The following NAALADL2 variants were observed in gnomAD, a reference collection of about 807,000 sequenced individuals.
NAALADL2 encodes N-acetylated alpha-linked acidic dipeptidase like 2, also known as inactive N-acetylated-alpha-linked acidic dipeptidase-like protein 2.
A neutral mutation model predicts 87.2 loss-of-function variants in NAALADL2; 76 were observed. The ratio of observed to expected loss-of-function variants is 0.87; its 90% CI spans 0.72 to 1.05. NAALADL2 has a LOEUF of 1.05. Ranked by LOEUF, NAALADL2 falls within the 50% of genes least tolerant of loss-of-function variation. The pLI is 0.00. For missense variants in NAALADL2, 1,089 were observed against 945.8 expected (o/e 1.15, Z -1.99); for synonymous variants, 354 against 331.0 (o/e 1.07, Z -0.75).
At chr3:175,386,203 T>C (rs1417466046) in intron 5 of NAALADL2, among the ~76,000 whole-genome samples, 1 of 148,144 alleles carries the variant, frequency 6.8e-6, no homozygotes, top group Non-Finnish European at 1.5e-5. Flanking sequence ...GGTTTACACA[T>C]TGAATTTGGT....
intron 11 of NAALADL2, chr3:175,718,322 G>A: frequency 6.4e-7 from 1 of 1,573,266 alleles, no homozygotes; most frequent in Non-Finnish European, 8.7e-7. Context: ...CAACTTTGAT[G>A]CTATATGAAT....
At chr3:174,513,374 A>G (rs1939288550) in intron 1 of NAALADL2, 1 of 152,208 alleles carries the variant, frequency 6.6e-6, no homozygotes, top group Non-Finnish European at 1.5e-5. Flanking sequence ...TTTCACCAGT[A>G]CATACCAATT....
At chr3:174,863,474 T>A (rs1203533369) in intron 1 of NAALADL2, among the ~76,000 whole-genome samples, 1 of 152,032 alleles carries the variant, frequency 6.6e-6, no homozygotes, top group African/African-American at 2.4e-5. Flanking sequence ...TCATTACAGC[T>A]AGGAGAAGTT....
intron 1 of NAALADL2, among the ~76,000 whole-genome samples, chr3:174,946,642 AAAT>A: frequency 6.6e-6 from 1 of 152,158 alleles, no homozygotes; most frequent in African/African-American, 2.4e-5. Flanking sequence ...TGTTTTCACA[AAAT>A]AATAAAGAGT....
chr3:174,825,867 A>ACT (rs1158790183), intron 3 of NAALADL2, among the ~76,000 whole-genome samples: 1 of 152,044 alleles, frequency 6.6e-6, no homozygotes, highest in Non-Finnish European at 1.5e-5. Flanking sequence ...CTCTACTAAA[A>ACT]ACACAAAAAA....
chr3:175,008,213 AC>A (rs1003086611), intron 1 of NAALADL2, among the ~76,000 whole-genome samples: 3 of 152,048 alleles, frequency 2.0e-5, no homozygotes, highest in African/African-American at 7.2e-5. Context: ...ACACTTCTAT[AC>A]AAAAAAAATT....
chr3:174,671,666 C>T (rs1726549580), intron 2 of NAALADL2, among the ~76,000 whole-genome samples: 1 of 152,032 alleles, frequency 6.6e-6, no homozygotes, highest in Admixed American at 6.6e-5. Flanking sequence ...GATTTCATAT[C>T]CCTTTACCCC....
At chr3:175,731,832 CCCT>C (rs1201608368) in intron 11 of NAALADL2, among the ~76,000 whole-genome samples, 1 of 152,142 alleles carries the variant, frequency 6.6e-6, no homozygotes, top group Non-Finnish European at 1.5e-5. Context: ...TCGCCTTTCT[CCCT>C]CCTCCTTTTT....
At chr3:174,843,874 G>T (rs984646514) in intron 3 of NAALADL2, among the ~76,000 whole-genome samples, 6 of 151,910 alleles carry the variant, frequency 3.9e-5, no homozygotes, top group African/African-American at 7.3e-5. Context: ...AAAAAAAATT[G>T]GGTTATTTTG....
In NAALADL2 at chr3:174,614,701, A is replaced by T. The variant is rs537877203; in HGVS notation, c.-115+64064A>T. On this transcript the variant is annotated intron_variant, in intron 2 of 3. Coordinates refer to the NAALADL2 transcript ENST00000434257. ...TTTTGGCTCTTATGAAGGTATTTTT[A>T]AAAAATTTTTTCTGTAGATATTTGT... Among the ~76,000 whole-genome samples the T allele has an allele frequency of 2.0e-3, 309 of 152,246 alleles. 1 individual carries two copies. Among genetic ancestry groups the T allele is most frequent in the African/African-American group, 7.0e-3 (292 of 41,542 alleles).
At chr3:174,464,626 A>G (rs1351272699) in intron 1 of NAALADL2, among the ~76,000 whole-genome samples, 1 of 152,028 alleles carries the variant, frequency 6.6e-6, no homozygotes, top group Non-Finnish European at 1.5e-5. Context: ...CTAGCTGTCT[A>G]GTATAACAAC....
intron 1 of NAALADL2, among the ~76,000 whole-genome samples, chr3:175,022,904 C>T (rs182373780): frequency 6.6e-6 from 1 of 152,070 alleles, no homozygotes; most frequent in East Asian, 1.9e-4. Flanking sequence ...CCTGGGGATA[C>T]AAAGATGAGT....
intron 3 of NAALADL2, among the ~76,000 whole-genome samples, chr3:174,832,284 G>A (rs1579115056): frequency 6.6e-6 from 1 of 152,074 alleles, no homozygotes; most frequent in East Asian, 1.9e-4. Flanking sequence ...CTTTGAATGT[G>A]TCCCAGAGAT....
chr3:175,259,638 T>C (rs13081369), intron 4 of NAALADL2, among the ~76,000 whole-genome samples: 40,862 of 152,146 alleles, frequency 0.27, 5,734 homozygotes, highest in Non-Finnish European at 0.32. Context: ...ATGGATAATT[T>C]CTACTTTTCC....
intron 2 of NAALADL2, among the ~76,000 whole-genome samples, chr3:175,144,272 A>G (rs1041634004): frequency 6.6e-6 from 1 of 151,980 alleles, no homozygotes; most frequent in African/African-American, 2.4e-5. Context: ...AAATGGAGAA[A>G]TACAAAAAGC....
intron 1 of NAALADL2, among the ~76,000 whole-genome samples, chr3:175,018,007 G>A (rs1397382587): frequency 6.6e-6 from 1 of 152,040 alleles, no homozygotes; most frequent in South Asian, 2.1e-4. Flanking sequence ...GCTTAGGGTC[G>A]CATAAAACCT....
rs1280290017 is a variant in NAALADL2 at position 175,810,459 on chromosome 3, G to A, written c.*7256G>A. 1.3e-5 allele frequency: 2 copies of A among 151,850 alleles called. No homozygotes were observed. The highest frequency in any genetic ancestry group is 6.6e-5 in the Admixed American group (1 of 15,192). The allele number at this position is 151,850 out of a possible 1,614,324, so 9.4% of individuals were successfully genotyped here. On this transcript the variant is annotated 3_prime_UTR_variant, in exon 14 of 14. Coordinates refer to ENST00000454872, the MANE Select transcript of NAALADL2 (RefSeq NM_207015.3). ...GAAATGAAGGCACCATTTAACAAAC[G>A]TGTTCTGAATCATAATTTTCATGAG...
intron 3 of NAALADL2, among the ~76,000 whole-genome samples, chr3:174,826,718 A>G (rs1055855180): frequency 6.6e-6 from 1 of 152,192 alleles, no homozygotes. Flanking sequence ...GATAGTCCTT[A>G]TAGCATGTTT....
chr3:175,764,284 A>G (rs547045806), intron 13 of NAALADL2, among the ~76,000 whole-genome samples: 22 of 152,198 alleles, frequency 1.4e-4, no homozygotes, highest in Non-Finnish European at 2.4e-4. Context: ...CTACACTTAT[A>G]TGATTGTTTC....
Sources: allele counts gnomAD v4.1 joint callset (sites outside exome capture counted in the v4.1 genomes callset), GRCh38; gene constraint gnomAD v4.1.1; transcripts MANE v1.5; gene names NCBI Gene and HGNC (gene_info 2026-07-23, HGNC 2026-07-21).